Variants in ABLIM2 observed in about 807,000 individuals in gnomAD.
ABLIM2 encodes actin-binding LIM protein 2.
A neutral mutation model predicts 97.7 loss-of-function variants in ABLIM2; 53 were observed. The observed-to-expected ratio is 0.54, with a 90% CI of 0.44 to 0.68. ABLIM2 has a LOEUF of 0.68. ABLIM2 is among the 30% of genes least tolerant of loss of function. The pLI, the probability that ABLIM2 is intolerant of heterozygous loss-of-function variation, is 0.00. For synonymous variants in ABLIM2, 361 were observed against 345.8 expected (o/e 1.04, Z -0.49); for missense variants, 835 against 867.2 (o/e 0.96, Z 0.47).
chr4:8,115,621 C>A (rs1578167884), intron 1 of ABLIM2, among the ~76,000 whole-genome samples: 1 of 152,330 alleles, frequency 6.6e-6, no homozygotes, highest in East Asian at 1.9e-4. Flanking sequence ...CCTCTGAGCT[C>A]CCCACGGGCT....
chr4:8,088,191 C>T lies in ABLIM2; in HGVS notation c.432G>A (p.Ala144=), dbSNP rs367620415. 1.2e-4 allele frequency: 199 copies of T among 1,602,078 alleles called. No individual in the cohort carries two copies. In the African/African-American group the frequency reaches 1.9e-3, roughly 16 times the overall value. ...TACTTCGGAGGCCCTGGGACAGGTG[C>T]GCGCTGCTGCCCACCGATACGGGCA... ...CSLPVSVGSS[A]HLSQGLRSCG... is the part of the protein sequence containing the mutation. Residue 144 remains alanine, a synonymous_variant, in exon 4 of 21, where the codon GCG becomes GCA. Coordinates refer to ENST00000447017, the MANE Select transcript of ABLIM2 (RefSeq NM_001130083.2).
chr4:8,059,119 G>T (rs1801257271), intron 7 of ABLIM2, among the ~76,000 whole-genome samples: 1 of 152,050 alleles, frequency 6.6e-6, no homozygotes, highest in African/African-American at 2.4e-5. Flanking sequence ...TTAGCAGGGA[G>T]TGCTCAGGGA....
chr4:8,007,738 C>A, intron 16 of ABLIM2: 1 of 1,102,734 alleles, frequency 9.1e-7, no homozygotes, highest in South Asian at 3.4e-5. Flanking sequence ...CTGACTTCCA[C>A]CCGGCAGCCC....
intron 16 of ABLIM2, among the ~76,000 whole-genome samples, 163 bp from the exon 17 acceptor site, chr4:7,993,090 C>T (rs1326629240): frequency 1.3e-5 from 2 of 152,214 alleles, no homozygotes; most frequent in African/African-American, 2.4e-5. Context: ...CTTCTGTTCC[C>T]AGGGCGCTGA....
chr4:8,007,852 C>T (rs901838868), intron 16 of ABLIM2: 2 of 1,376,224 alleles, frequency 1.5e-6, no homozygotes, highest in African/African-American at 2.9e-5. Flanking sequence ...CTCGTTAGCA[C>T]ACTGGCTCGG....
chr4:8,104,129 T>C (rs570242857), intron 2 of ABLIM2, among the ~76,000 whole-genome samples: 1 of 152,268 alleles, frequency 6.6e-6, no homozygotes, highest in Admixed American at 6.5e-5. Context: ...ACACGCCCCC[T>C]TTGCTTTGCA....
At position 8,085,614 on chromosome 4, in the gene ABLIM2, C is replaced by T. The variant is rs1823019562; in HGVS notation, c.454+2555G>A. 6.6e-6 allele frequency among the ~76,000 whole-genome samples: 1 copy of T among 150,764 alleles called. No homozygotes were observed. The highest frequency in any genetic ancestry group is 2.4e-5 in the African/African-American group (1 of 40,846). On this transcript the variant is annotated intron_variant, in intron 4 of 20. Coordinates refer to ENST00000447017, the MANE Select transcript of ABLIM2 (RefSeq NM_001130083.2). This position sits in a 1 kb window ranked among gnomAD's most constrained non-coding sequence, Gnocchi z 6.1. Reference sequence around the variant, plus strand: ...CACTCACGCGGGTCTGGGGGGTGCCCACGCTGCAGCCCTGTCCACTCACGC... The same window carrying T: ...CACTCACGCGGGTCTGGGGGGTGCCTACGCTGCAGCCCTGTCCACTCACGC...
rs550689836 is a variant in ABLIM2 at position 8,001,913 on chromosome 4, C to G, written c.1618+6146G>C. 3.9e-5 allele frequency among the ~76,000 whole-genome samples: 6 copies of G among 152,354 alleles called. No homozygotes were observed. In the East Asian group the frequency reaches 1.2e-3, roughly 29 times the overall value. On this transcript the variant is annotated intron_variant, in intron 16 of 20. Transcript: ENST00000447017. This position sits in a 1 kb window ranked among gnomAD's most constrained non-coding sequence, Gnocchi z 4.2. Reference sequence around the variant, plus strand: ...CTTCCCACCTGCCCGCTTGTCAGCACACACATGTGCGTGCTCTCTCTCTCT... The same window carrying G: ...CTTCCCACCTGCCCGCTTGTCAGCAGACACATGTGCGTGCTCTCTCTCTCT...
chr4:8,060,316 C>G lies in ABLIM2; in HGVS notation c.763+651G>C, dbSNP rs149492307. Among the ~76,000 whole-genome samples, 16 of 152,332 alleles carry G rather than the reference C, an allele frequency of 1.1e-4. No individual in the cohort carries two copies. The East Asian group carries it at 2.9e-3, about 28-fold the overall frequency. On this transcript the variant is annotated intron_variant, in intron 7 of 20. Coordinates refer to ENST00000447017, the MANE Select transcript of ABLIM2 (RefSeq NM_001130083.2). ...CTCAAGTCTCGCCCTTTCTTCAGGT[C>G]TGGCAGCCCACAGGACGCCCCGCCT...
rs1266144250 is a variant in ABLIM2 at position 7,965,330 on chromosome 4, TA to T, written c.*1659del. On this transcript the variant is annotated 3_prime_UTR_variant, in exon 21 of 21. Coordinates refer to ENST00000447017, the MANE Select transcript of ABLIM2 (RefSeq NM_001130083.2). ...AGTGATCTTGTACTTCCGCAAGTTATAATGCATCGTCTTTTATTTTCCAGGC... is the reference window on the plus strand; with the variant it reads ...AGTGATCTTGTACTTCCGCAAGTTATATGCATCGTCTTTTATTTTCCAGGC... The T allele has an allele frequency of 6.5e-6, 1 of 152,712 alleles. No individual in the cohort carries two copies. Among genetic ancestry groups the T allele is most frequent in the African/African-American group, 2.4e-5 (1 of 41,480 alleles). The allele number at this position is 152,712 out of a possible 1,614,324, so 9.5% of individuals were successfully genotyped here. A position where few individuals can be genotyped will look rare whatever the true frequency, so the allele number is the denominator to read the frequency against.
At chr4:8,090,684 G>A (rs1344489271) in intron 3 of ABLIM2, among the ~76,000 whole-genome samples, 3 of 152,086 alleles carry the variant, frequency 2.0e-5, no homozygotes, top group Admixed American at 2.0e-4. Flanking sequence ...GATTGTCACT[G>A]TCACCGTGCA....
At chr4:8,029,825 C>T (rs1461557812) in intron 10 of ABLIM2, 49 bp from the exon 11 acceptor site, 2 of 1,540,542 alleles carry the variant, frequency 1.3e-6, no homozygotes, top group Non-Finnish European at 8.8e-7. Flanking sequence ...GAGCACTTCC[C>T]ACCCCTTGTC....
chr4:8,037,609 G>C (rs928078965), intron 9 of ABLIM2, among the ~76,000 whole-genome samples: 3 of 151,900 alleles, frequency 2.0e-5, no homozygotes, highest in Non-Finnish European at 4.4e-5. Flanking sequence ...CCACAAACGT[G>C]CATGCACATC....
chr4:8,054,048 C>G lies in ABLIM2; in HGVS notation c.822+140G>C. 3.4e-6 allele frequency: 3 copies of G among 879,858 alleles called. No individual in the cohort carries two copies. Among genetic ancestry groups the G allele is most frequent in the Non-Finnish European group, 5.5e-6 (3 of 542,438 alleles). 54.5% of individuals were successfully genotyped at this position (879,858 alleles called of 1,614,324 possible). A position where few individuals can be genotyped will look rare whatever the true frequency, so the allele number is the denominator to read the frequency against. The stretch of plus-strand genomic sequence containing the variant: ...TCTACTTGTTTACCCTCCCCACCTC[C>G]TAAGCCTGGCTGCCCCCATCCTGCA... On this transcript the variant is annotated intron_variant, in intron 8 of 20. Transcript: ENST00000447017. The surrounding 1 kb of genome is among the most constrained non-coding windows in gnomAD (Gnocchi z 4.9).
At chr4:8,007,700 C>T (rs966465906) in intron 16 of ABLIM2, 14 of 1,043,422 alleles carry the variant, frequency 1.3e-5, no homozygotes, top group Non-Finnish European at 1.6e-5. Flanking sequence ...CCGGACCATG[C>T]CCATGTCTGC....
At chr4:8,096,908 AG>A (rs1480014680) in intron 3 of ABLIM2, among the ~76,000 whole-genome samples, 190 bp downstream of exon 3, 1 of 152,172 alleles carries the variant, frequency 6.6e-6, no homozygotes, top group Non-Finnish European at 1.5e-5. Context: ...GCCCTCACGG[AG>A]CTCCCTGTGA....
chr4:8,104,219 G>A (rs973441623), intron 2 of ABLIM2, among the ~76,000 whole-genome samples: 1 of 152,164 alleles, frequency 6.6e-6, no homozygotes, highest in Non-Finnish European at 1.5e-5. Context: ...GATGGAGGCC[G>A]GCCACACTCA....
In ABLIM2 at chr4:8,124,918, G is replaced by A. The variant is rs1847169704; in HGVS notation, c.11-18281C>T. ...CTGCGATTTTGATCCAGCCATTCTA[G>A]CGGATCTGTAATCGCGTCTCACTGG... is the stretch of plus-strand genomic sequence containing the variant. On this transcript the variant is annotated intron_variant, in intron 1 of 20. Transcript: ENST00000447017. The surrounding 1 kb of genome is among the most constrained non-coding windows in gnomAD (Gnocchi z 6.1). Among the ~76,000 whole-genome samples, 1 of 152,140 alleles carries A rather than the reference G, an allele frequency of 6.6e-6. No individual in the cohort carries two copies. Among genetic ancestry groups the A allele is most frequent in the Admixed American group, 6.5e-5 (1 of 15,282 alleles).
rs1426044777 is a variant in ABLIM2 at position 8,003,763 on chromosome 4, C to T, written c.1618+4296G>A. Among the ~76,000 whole-genome samples, 2 of 152,006 alleles carry T rather than the reference C, an allele frequency of 1.3e-5. No homozygotes were observed. Among genetic ancestry groups the T allele is most frequent in the Non-Finnish European group, 2.9e-5 (2 of 68,006 alleles). Reference sequence around the variant, plus strand: ...TGTGTTTAGTAGAGACGGGGTTTCACCATGTTGGTCAGGCTGGTCTCGAAC... The same window carrying T: ...TGTGTTTAGTAGAGACGGGGTTTCATCATGTTGGTCAGGCTGGTCTCGAAC... On this transcript the variant is annotated intron_variant, in intron 16 of 20. Transcript: ENST00000447017. This position sits in a 1 kb window ranked among gnomAD's most constrained non-coding sequence, Gnocchi z 4.2.
Sources: allele counts gnomAD v4.1 joint callset (sites outside exome capture counted in the v4.1 genomes callset), GRCh38; gene constraint gnomAD v4.1.1; non-coding constraint Gnocchi (gnomAD v3.1); transcripts MANE v1.5; gene names NCBI Gene and HGNC (gene_info 2026-07-23, HGNC 2026-07-21).